PITPNC1: variants seen among roughly 807,000 people sequenced by gnomAD.
The protein encoded by PITPNC1 is phosphatidylinositol transfer protein cytoplasmic 1, also known as cytoplasmic phosphatidylinositol transfer protein 1.
Under a neutral mutation model 44.7 loss-of-function variants are expected in PITPNC1, and 18 were observed. The observed-to-expected ratio is 0.40, with a 90% CI of 0.28 to 0.60. PITPNC1 has a LOEUF of 0.60. PITPNC1 is among the 20% of genes least tolerant of loss of function. PITPNC1 has a pLI of 0.39. For synonymous variants in PITPNC1, 141 were observed against 149.6 expected (o/e 0.94, Z 0.42); for missense variants, 290 against 418.4 (o/e 0.69, Z 2.68).
intron 1 of PITPNC1, among the ~76,000 whole-genome samples, chr17:67,415,651 C>T (rs1429265921): frequency 1.3e-5 from 2 of 152,160 alleles, no homozygotes; most frequent in Admixed American, 6.5e-5. Context: ...ATTACAATTA[C>T]GTGGACATGG....
At chr17:67,386,692 G>A (rs779621586) in intron 1 of PITPNC1, among the ~76,000 whole-genome samples, 16 of 152,154 alleles carry the variant, frequency 1.1e-4, no homozygotes, top group Non-Finnish European at 2.2e-4. Context: ...CATTGCTTTA[G>A]CGGCCTGAGT....
At chr17:67,594,979 C>A (rs2041441458) in intron 5 of PITPNC1, among the ~76,000 whole-genome samples, 1 of 152,114 alleles carries the variant, frequency 6.6e-6, no homozygotes, top group African/African-American at 2.4e-5. Context: ...GTTTTAACAA[C>A]TTTACAAATG....
Position 67,669,637 on chromosome 17 carries a change from A to C in PITPNC1, c.592A>C (p.Thr198Pro). The change falls in exon 7 of 9, where the codon ACC (threonine) becomes CCC (proline). Residue 198 changes from threonine (T) to proline (P), a missense_variant. Coordinates refer to ENST00000581322, the MANE Select transcript of PITPNC1 (RefSeq NM_012417.4). The stretch of plus-strand genomic sequence containing the variant: ...GAAGTTTGAGGTCTGGGGGCTTCAG[A>C]CCAGAGTGGAACAATTTGTACACAA... Reference protein sequence around the residue: ...TVKFEVWGLQTRVEQFVHKVV... With the variant: ...TVKFEVWGLQPRVEQFVHKVV... The C allele has an allele frequency of 6.3e-7, 1 of 1,599,740 alleles. No homozygotes were observed. The highest frequency in any genetic ancestry group is 8.5e-7 in the Non-Finnish European group (1 of 1,173,004).
intron 1 of PITPNC1, among the ~76,000 whole-genome samples, chr17:67,420,711 C>T (rs1003267653): frequency 4.6e-5 from 7 of 152,112 alleles, no homozygotes; most frequent in African/African-American, 9.7e-5. Flanking sequence ...GGATTACAGG[C>T]GTGAGCCACT....
chr17:67,540,966 G>A (rs930587621), intron 2 of PITPNC1, among the ~76,000 whole-genome samples: 5 of 151,968 alleles, frequency 3.3e-5, no homozygotes, highest in Admixed American at 1.3e-4. Flanking sequence ...CCTGTAATTC[G>A]AGCACTTTGG....
chr17:67,520,459 G>A (rs1298422372), intron 1 of PITPNC1, among the ~76,000 whole-genome samples: 3 of 152,152 alleles, frequency 2.0e-5, no homozygotes, highest in African/African-American at 4.8e-5. Flanking sequence ...CTTGAGTTGC[G>A]ATCGGTTTCA....
intron 1 of PITPNC1, among the ~76,000 whole-genome samples, chr17:67,401,892 ATCT>A (rs1331758377): frequency 1.3e-5 from 2 of 151,954 alleles, no homozygotes; most frequent in African/African-American, 4.8e-5. Context: ...TTCTCCTTTG[ATCT>A]TCTCTTCCAC....
At chr17:67,586,599 A>G (rs905579808) in intron 5 of PITPNC1, among the ~76,000 whole-genome samples, 5 of 142,200 alleles carry the variant, frequency 3.5e-5, no homozygotes, top group African/African-American at 5.0e-5. Context: ...CCATCTCAGG[A>G]AAAAAAAAAA....
At chr17:67,425,197 G>GCGCGCGCGCGCGCC (rs748898605) in intron 1 of PITPNC1, among the ~76,000 whole-genome samples, 1 of 98,430 alleles carries the variant, frequency 1.0e-5, no homozygotes, top group Admixed American at 1.1e-4. Context: ...GCGCGCGCAC[G>GCGCGCGCGCGCGCC]CACACGCACA....
intron 1 of PITPNC1, among the ~76,000 whole-genome samples, chr17:67,446,460 T>C: frequency 6.7e-6 from 1 of 149,922 alleles, no homozygotes; most frequent in South Asian, 2.1e-4. Context: ...TTCACCAGGA[T>C]AACCCACAGA....
At chr17:67,603,294 G>A (rs1598874930) in intron 5 of PITPNC1, among the ~76,000 whole-genome samples, 1 of 117,470 alleles carries the variant, frequency 8.5e-6, no homozygotes, top group South Asian at 3.4e-4. Context: ...GCAGGCCCCG[G>A]CTAGGAAGTA....
In PITPNC1 at chr17:67,383,112, C is replaced by T. The variant is rs1387979612; in HGVS notation, c.48+4910C>T. Among the ~76,000 whole-genome samples the T allele has an allele frequency of 3.3e-5, 5 of 151,936 alleles. No homozygotes were observed. The East Asian group carries it at 9.7e-4, about 29-fold the overall frequency. ...CCGAGTTCAAGAGATTCTCCTGCCT[C>T]AGCCTCCAGAATAGCTGGGATTTAC... On this transcript the variant is annotated intron_variant, in intron 1 of 8. Coordinates refer to ENST00000581322, the MANE Select transcript of PITPNC1 (RefSeq NM_012417.4).
At chr17:67,661,866 C>T (rs973550305) in intron 6 of PITPNC1, among the ~76,000 whole-genome samples, 2 of 151,744 alleles carry the variant, frequency 1.3e-5, no homozygotes, top group Non-Finnish European at 2.9e-5. Flanking sequence ...TGTGGTGGCA[C>T]GCACCTGTCA....
At chr17:67,546,776 C>T (rs1423490763) in intron 2 of PITPNC1, among the ~76,000 whole-genome samples, 2 of 152,226 alleles carry the variant, frequency 1.3e-5, no homozygotes, top group East Asian at 1.9e-4. Context: ...CAGTCCCTGC[C>T]GGGGAGGCCC....
intron 5 of PITPNC1, among the ~76,000 whole-genome samples, chr17:67,610,143 G>C (rs2041668369): frequency 6.6e-6 from 1 of 152,184 alleles, no homozygotes. Flanking sequence ...CAGGATACGA[G>C]AGTGTTAAGT....
chr17:67,494,449 C>T (rs987472645), intron 1 of PITPNC1, among the ~76,000 whole-genome samples: 1 of 152,054 alleles, frequency 6.6e-6, no homozygotes, highest in Non-Finnish European at 1.5e-5. Flanking sequence ...CCACCCGCCT[C>T]GGCCTCCCAA....
chr17:67,394,148 T>G (rs1478628513), intron 1 of PITPNC1, among the ~76,000 whole-genome samples: 3 of 152,074 alleles, frequency 2.0e-5, no homozygotes, highest in Non-Finnish European at 4.4e-5. Flanking sequence ...CATCTTATTT[T>G]TTAAAGAGGG....
At chr17:67,501,121 T>C (rs1314239519) in intron 1 of PITPNC1, among the ~76,000 whole-genome samples, 2 of 152,220 alleles carry the variant, frequency 1.3e-5, no homozygotes, top group Non-Finnish European at 2.9e-5. Flanking sequence ...CCACTGCAGG[T>C]CTAGGTGCTA....
chr17:67,650,597 C>T (rs573079182), intron 6 of PITPNC1, among the ~76,000 whole-genome samples: 3 of 151,906 alleles, frequency 2.0e-5, no homozygotes, highest in Admixed American at 6.6e-5. Context: ...TACAGGCATG[C>T]GCCACCATGC....
Sources: gnomAD v4.1 joint callset for allele counts (sites outside exome capture counted in the v4.1 genomes callset) on GRCh38, gnomAD v4.1.1 for gene constraint, MANE v1.5 for transcripts, NCBI Gene and HGNC (gene_info 2026-07-23, HGNC 2026-07-21) for gene names.